BIRC6: variants seen among roughly 807,000 people sequenced by gnomAD.
The protein encoded by BIRC6 is dual E2 ubiquitin-conjugating enzyme/E3 ubiquitin-protein ligase BIRC6.
A neutral mutation model predicts 503.3 loss-of-function variants in BIRC6; 98 were observed. The ratio of observed to expected loss-of-function variants is 0.19; its 90% CI spans 0.17 to 0.23. The LOEUF (loss-of-function observed/expected upper bound fraction) is 0.23, where lower values mean the gene tolerates loss of function less well. Among genes scored for constraint, BIRC6 ranks in the 10% least tolerant of loss-of-function variants. The pLI, the probability that BIRC6 is intolerant of heterozygous loss-of-function variation, is 1.00. For missense variants in BIRC6, 5,360 were observed against 5,806.0 expected (o/e 0.92, Z 2.50); for synonymous variants, 2,240 against 2,078.7 (o/e 1.08, Z -2.11).
Position 32,502,967 on chromosome 2 carries a change from T to G in BIRC6, c.9305-75T>G, listed in dbSNP as rs188034842. 293 of 1,513,578 alleles carry G rather than the reference T, an allele frequency of 1.9e-4. No individual in the cohort carries two copies. The African/African-American group carries it at 3.8e-3, about 20-fold the overall frequency. 93.8% of individuals were successfully genotyped at this position (1,513,578 alleles called of 1,614,324 possible). The stretch of plus-strand genomic sequence containing the variant: ...TGTTACATTTTCATTTTTGTAGTCT[T>G]TTGTGGAAGTTTACTTTTGATGTTG... On this transcript the variant is annotated intron_variant, in intron 48 of 73. Transcript: ENST00000421745.
At chr2:32,510,693 A>G in intron 53 of BIRC6, 59 bp downstream of exon 53, 1 of 1,169,868 alleles carries the variant, frequency 8.5e-7, no homozygotes, top group South Asian at 1.3e-5. Flanking sequence ...TGCTATAGTA[A>G]ATGTTTCTGA....
At chr2:32,492,140 G>A (rs11694289) in intron 44 of BIRC6, among the ~76,000 whole-genome samples, 1 of 151,656 alleles carries the variant, frequency 6.6e-6, no homozygotes, top group Non-Finnish European at 1.5e-5. Flanking sequence ...TTAAAATCAA[G>A]ATTATTCAAG....
chr2:32,573,466 A>G (rs1193504701), intron 65 of BIRC6, among the ~76,000 whole-genome samples: 1 of 152,112 alleles, frequency 6.6e-6, no homozygotes, highest in African/African-American at 2.4e-5. Flanking sequence ...AAAGTGGTGA[A>G]ATTGCAGGTG....
At chr2:32,383,384 A>C (rs947367118) in intron 3 of BIRC6, among the ~76,000 whole-genome samples, 1 of 152,202 alleles carries the variant, frequency 6.6e-6, no homozygotes, top group Non-Finnish European at 1.5e-5. Context: ...GATGTATAAT[A>C]GTCAAGAAGA....
intron 65 of BIRC6, among the ~76,000 whole-genome samples, chr2:32,552,199 T>C (rs1397338315): frequency 6.6e-6 from 1 of 152,182 alleles, no homozygotes; most frequent in African/African-American, 2.4e-5. Flanking sequence ...TTTGCCCTTA[T>C]TTTTTGGCTA....
intron 1 of BIRC6, among the ~76,000 whole-genome samples, chr2:32,370,061 T>C (rs1291218402): frequency 7.1e-6 from 1 of 140,908 alleles, no homozygotes; most frequent in Non-Finnish European, 1.5e-5. Context: ...TGTGTATGTA[T>C]ACACACACAC....
At chr2:32,550,475 A>C (rs1384975665) in intron 65 of BIRC6, among the ~76,000 whole-genome samples, 1 of 152,130 alleles carries the variant, frequency 6.6e-6, no homozygotes, top group Non-Finnish European at 1.5e-5. Flanking sequence ...GACCTGTTTG[A>C]TACATCAGAC....
chr2:32,478,556 G>A (rs2050028715), intron 35 of BIRC6, 79 bp from the exon 36 acceptor site: 3 of 1,306,240 alleles, frequency 2.3e-6, no homozygotes, highest in Admixed American at 4.8e-5. Flanking sequence ...CAGTGCTAAA[G>A]TATTGGTAGA....
chr2:32,459,159 C>G (rs2047560837), intron 23 of BIRC6, among the ~76,000 whole-genome samples: 2 of 152,142 alleles, frequency 1.3e-5, no homozygotes, highest in Non-Finnish European at 2.9e-5. Context: ...ATTTCCATCA[C>G]TACAGGAAGA....
intron 72 of BIRC6, among the ~76,000 whole-genome samples, chr2:32,609,387 A>G (rs1484912331): frequency 6.6e-6 from 1 of 152,016 alleles, no homozygotes; most frequent in Non-Finnish European, 1.5e-5. Context: ...GCCATATCAA[A>G]TGACGTTAGC....
chr2:32,448,697 C>A (rs2046362225), intron 21 of BIRC6, 98 bp from the exon 22 acceptor site: 1 of 1,064,662 alleles, frequency 9.4e-7, no homozygotes. Context: ...GGAGAGCCCT[C>A]TGCGCTGTTA....
intron 45 of BIRC6, among the ~76,000 whole-genome samples, chr2:32,495,659 G>T (rs1317094360): frequency 6.6e-6 from 1 of 151,880 alleles, no homozygotes. Context: ...TTTTGTTGTT[G>T]TTACCCTCCT....
At position 32,401,185 on chromosome 2, in the gene BIRC6, C is replaced by G; in HGVS notation, c.1057C>G (p.Pro353Ala). ...AAGGTCTGAACACGAAAGACATTCC[C>G]CAAACTGCCCATTTGTGAAAGGTGA... ...EPWSEHERHS[P>A]NCPFVKGEHT... Residue 353 changes from proline (P) to alanine (A), a missense_variant, in exon 7 of 74, where the codon CCA becomes GCA. This residue lies in a region of BIRC6 where 92 missense variants were observed against 176.7 expected (regional missense o/e 0.52). Coordinates refer to ENST00000421745, the MANE Select transcript of BIRC6 (RefSeq NM_016252.4). 5.0e-6 allele frequency: 8 copies of G among 1,613,976 alleles called. No individual in the cohort carries two copies. Among genetic ancestry groups the G allele is most frequent in the South Asian group, 1.1e-5 (1 of 91,090 alleles).
In BIRC6 at chr2:32,471,144, T is replaced by C; in HGVS notation, c.6592+20T>C. 1 of 1,553,502 alleles carries C rather than the reference T, an allele frequency of 6.4e-7. No individual in the cohort carries two copies. The highest frequency in any genetic ancestry group is 8.7e-7 in the Non-Finnish European group (1 of 1,147,246). On this transcript the variant is annotated intron_variant, in intron 32 of 73. Coordinates refer to ENST00000421745, the MANE Select transcript of BIRC6 (RefSeq NM_016252.4). The stretch of plus-strand genomic sequence containing the variant: ...TGAATGGTAAAGACAGGGAGAGGTT[T>C]CTGACAGGTATCAGAAGTTTATAAT...
At chr2:32,598,357 TGATCA>T (rs554418115) in intron 69 of BIRC6, among the ~76,000 whole-genome samples, 199 of 152,324 alleles carry the variant, frequency 1.3e-3, no homozygotes, top group African/African-American at 4.7e-3. Flanking sequence ...GATTTAATGC[TGATCA>T]GTTAAAAAAT....
Position 32,448,689 on chromosome 2 carries a change from A to C in BIRC6, c.4485-106A>C, listed in dbSNP as rs987461810. On this transcript the variant is annotated intron_variant, in intron 21 of 73. Transcript: ENST00000421745. The stretch of plus-strand genomic sequence containing the variant: ...AGGGGAGAGGGGAGAGGGGAGAGGG[A>C]GAGCCCTCTGCGCTGTTAGTCAGAC... 9 of 888,310 alleles carry C rather than the reference A, an allele frequency of 1.0e-5. No individual in the cohort carries two copies. The African/African-American group carries it at 1.4e-4, about 14-fold the overall frequency. 55.0% of individuals were successfully genotyped at this position (888,310 alleles called of 1,614,324 possible).
At chr2:32,444,287 A>G (rs2045732926) in intron 20 of BIRC6, among the ~76,000 whole-genome samples, 1 of 152,194 alleles carries the variant, frequency 6.6e-6, no homozygotes, top group Admixed American at 6.5e-5. Context: ...CCCAATGCAG[A>G]GAGGTGATGG....
rs768737155 is a variant in BIRC6, at chr2:32,481,325, C to G, written c.7414C>G (p.Pro2472Ala). ...TCACTTTTAATTATTTGAAGGTGCACCTCCTCTGTCCTCTTTGGAAAAAGA... is the reference window on the plus strand; with the variant it reads ...TCACTTTTAATTATTTGAAGGTGCAGCTCCTCTGTCCTCTTTGGAAAAAGA... Reference protein sequence around the residue: ...EPLTHDITGAPPLSSLEKDKE... With the variant: ...EPLTHDITGAAPLSSLEKDKE... The change falls in exon 38 of 74, where the codon CCT becomes GCT. Residue 2472 changes from proline to alanine, a missense_variant. Coordinates refer to ENST00000421745, the MANE Select transcript of BIRC6 (RefSeq NM_016252.4). 1 of 1,593,584 alleles carries G rather than the reference C, an allele frequency of 6.3e-7. No homozygotes were observed.
intron 49 of BIRC6, among the ~76,000 whole-genome samples, chr2:32,504,078 T>TGTGTGTGTGTG (rs1558912926): frequency 1.0e-5 from 1 of 98,812 alleles, no homozygotes; most frequent in Non-Finnish European, 2.1e-5. Flanking sequence ...GTGTGTGTGT[T>TGTGTGTGTGTG]TAGTAGAGAT....
Sources: allele counts gnomAD v4.1 joint callset (sites outside exome capture counted in the v4.1 genomes callset), GRCh38; gene constraint gnomAD v4.1.1; regional missense constraint gnomAD v4.1.1; transcripts MANE v1.5; gene names NCBI Gene and HGNC (gene_info 2026-07-23, HGNC 2026-07-21).